Variants in FAM13B observed in about 807,000 individuals in gnomAD.
The protein encoded by FAM13B is protein FAM13B.
In FAM13B, 60 loss-of-function variants were observed where a neutral mutation model predicts 117.3. The observed-to-expected ratio is 0.51, with a 90% CI of 0.42 to 0.63. The LOEUF (loss-of-function observed/expected upper bound fraction) is 0.63. Ranked by LOEUF, FAM13B falls within the 30% of genes least tolerant of loss-of-function variation. The pLI is 0.00. For synonymous variants in FAM13B, 332 were observed against 356.1 expected, an observed-to-expected ratio of 0.93 and a Z score of 0.76; for missense variants, 972 against 1,091.9, an observed-to-expected ratio of 0.89 and a Z score of 1.55.
chr5:137,995,841 A>C (rs1195472413), intron 7 of FAM13B, among the ~76,000 whole-genome samples: 2 of 152,202 alleles, frequency 1.3e-5, no homozygotes, highest in Non-Finnish European at 2.9e-5. Context: ...CTAGTACTTA[A>C]AACATTTTTT....
rs148959246 is a variant in FAM13B, at chr5:138,001,667, G to A, written c.848+5323C>T. Among the ~76,000 whole-genome samples, 1,162 of 152,268 alleles carry A rather than the reference G, an allele frequency of 7.6e-3. 7 individuals carry two copies. Among genetic ancestry groups the A allele is most frequent in the Non-Finnish European group, 0.013 (901 of 68,024 alleles). ...AAGACAGACAATAACAATAATACAT[G>A]TATGTTAGATGGTTATAACAGTTAT... On this transcript the variant is annotated intron_variant, in intron 7 of 23. Transcript: ENST00000689681.
intron 1 of FAM13B, among the ~76,000 whole-genome samples, chr5:138,044,062 G>A (rs937804549): frequency 4.6e-5 from 7 of 151,778 alleles, no homozygotes; most frequent in African/African-American, 1.5e-4. Context: ...GGAACTATAG[G>A]CACATGCTGT....
Position 138,044,238 on chromosome 5 carries a change from A to G in FAM13B, c.-203+7640T>C, listed in dbSNP as rs563069080. Among the ~76,000 whole-genome samples, 4 of 152,266 alleles carry G rather than the reference A, an allele frequency of 2.6e-5. No individual in the cohort carries two copies. In the South Asian group the frequency reaches 8.3e-4, roughly 32 times the overall value. On this transcript the variant is annotated intron_variant, in intron 1 of 3. Transcript: ENST00000502471. ...GCCACTGCACCAGCCTAAAAAAGAT[A>G]TTTTAAAGTAAGCTTTTAAAAAAAG... is the stretch of plus-strand genomic sequence containing the variant.
At chr5:138,009,236 T>C (rs1230959067) in intron 6 of FAM13B, among the ~76,000 whole-genome samples, 2 of 152,230 alleles carry the variant, frequency 1.3e-5, no homozygotes, top group African/African-American at 4.8e-5. Context: ...GTTGTGTTTA[T>C]AAATGTCTTT....
intron 7 of FAM13B, among the ~76,000 whole-genome samples, chr5:137,996,813 G>A (rs562559260): frequency 1.2e-4 from 19 of 152,062 alleles, no homozygotes; most frequent in African/African-American, 4.8e-5. Flanking sequence ...GGCTGGTCTC[G>A]AACTCCTGAT....
chr5:138,009,326 A>G (rs1443767269), intron 6 of FAM13B, among the ~76,000 whole-genome samples: 2 of 152,244 alleles, frequency 1.3e-5, no homozygotes, highest in African/African-American at 4.8e-5. Context: ...CTGAGAGGTA[A>G]GATTTCAACA....
intron 8 of FAM13B, 100 bp from the exon 9 acceptor site, chr5:137,987,716 G>T: frequency 9.1e-7 from 1 of 1,094,928 alleles, no homozygotes; most frequent in Non-Finnish European, 1.3e-6. Flanking sequence ...AACTATTATG[G>T]TACTTAAATG....
chr5:137,963,457 G>GT (rs754890752), intron 10 of FAM13B, among the ~76,000 whole-genome samples: 2 of 152,160 alleles, frequency 1.3e-5, no homozygotes, highest in Non-Finnish European at 2.9e-5. Flanking sequence ...TTAAATTAAT[G>GT]TTTTTTAAAT....
intron 1 of FAM13B, among the ~76,000 whole-genome samples, chr5:138,024,068 T>A (rs13169864): frequency 2.0e-5 from 3 of 151,838 alleles, no homozygotes; most frequent in African/African-American, 7.3e-5. Context: ...TTTAGTCCTG[T>A]TTCCTACCCC....
chr5:137,960,288 T>C, intron 11 of FAM13B, 74 bp from the exon 12 acceptor site: 1 of 825,774 alleles, frequency 1.2e-6, no homozygotes, highest in Non-Finnish European at 1.9e-6. Context: ...CTTACCTAGA[T>C]TCCTCTACTC....
intron 1 of FAM13B, among the ~76,000 whole-genome samples, chr5:138,032,245 C>CTA (rs1336124834): frequency 6.6e-6 from 1 of 152,212 alleles, no homozygotes; most frequent in Non-Finnish European, 1.5e-5. Flanking sequence ...GCATTCTAGA[C>CTA]AAGGCCCCAG....
chr5:138,011,947 T>C lies in FAM13B; in HGVS notation c.371-2A>G. ...CAAATTCATCTTCATTATTATAATCTATAAAACAATAATAACAGGTTTTTT... is the reference window on the plus strand; with the variant it reads ...CAAATTCATCTTCATTATTATAATCCATAAAACAATAATAACAGGTTTTTT... On this transcript the variant is annotated splice_acceptor_variant, in intron 4 of 23. Transcript: ENST00000689681. LOFTEE classifies it high-confidence loss of function. 1 of 1,563,160 alleles carries C rather than the reference T, an allele frequency of 6.4e-7. No individual in the cohort carries two copies. Among genetic ancestry groups the C allele is most frequent in the Non-Finnish European group, 8.6e-7 (1 of 1,158,744 alleles).
intron 20 of FAM13B, 58 bp downstream of exon 20, chr5:137,945,844 T>G: frequency 7.9e-7 from 1 of 1,273,574 alleles, no homozygotes. Flanking sequence ...AATAATTTTT[T>G]TTGGGAAGAG....
intron 6 of FAM13B, among the ~76,000 whole-genome samples, chr5:138,009,728 C>T (rs1783478442): frequency 7.0e-6 from 1 of 142,672 alleles, no homozygotes; most frequent in Non-Finnish European, 1.5e-5. Context: ...TTGCTTGAAC[C>T]TGGGAGACAG....
intron 14 of FAM13B, among the ~76,000 whole-genome samples, chr5:137,956,176 A>C (rs186724130): frequency 1.3e-5 from 2 of 152,346 alleles, no homozygotes; most frequent in African/African-American, 4.8e-5. Context: ...AGCCCAGATC[A>C]ATCTGAGAAT....
chr5:137,987,464 T>G lies in FAM13B; in HGVS notation c.1043A>C (p.Asn348Thr). The G allele has an allele frequency of 1.2e-6, 2 of 1,608,120 alleles. No homozygotes were observed. Among genetic ancestry groups the G allele is most frequent in the Non-Finnish European group, 1.7e-6 (2 of 1,177,546 alleles). The change falls in exon 9 of 24, where the codon AAC (asparagine) becomes ACC (threonine). Residue 348 changes from asparagine to threonine, a missense_variant. Asn to Thr is a moderately conservative substitution (Grantham distance 65). Transcript: ENST00000689681. ...SIHCDGEGSN[N>T]QIDIADDIIN... ...ACAACAGTAAAATGTTTCTTACTGG[T>G]TATTAGATCCTTCCCCATCACAATG...
At chr5:138,033,193 G>A (rs937726032), upstream of FAM13B, 1 of 394,752 alleles carries the variant, frequency 2.5e-6, no homozygotes, top group Non-Finnish European at 3.4e-6. Context: ...CAGCGGCCCT[G>A]TGTCCTGCAA....
chr5:138,020,962 T>TG (rs1786577324), intron 2 of FAM13B, 69 bp downstream of exon 2: 2 of 1,067,024 alleles, frequency 1.9e-6, no homozygotes, highest in Admixed American at 8.5e-5. Context: ...AAATAGCAGC[T>TG]ACAGGGGCAA....
chr5:138,033,354 A>G (rs1790704940), upstream of FAM13B, among the ~76,000 whole-genome samples: 1 of 152,198 alleles, frequency 6.6e-6, no homozygotes. Context: ...TAAAGGGAAA[A>G]TCCGGAACAC....
Sources: allele counts gnomAD v4.1 joint callset (sites outside exome capture counted in the v4.1 genomes callset), GRCh38; gene constraint gnomAD v4.1.1; transcripts MANE v1.5; gene names NCBI Gene and HGNC (gene_info 2026-07-23, HGNC 2026-07-21).